The following FGD3 variants were observed in gnomAD, a reference collection of about 807,000 sequenced individuals.
The protein encoded by FGD3 is FYVE, RhoGEF and PH domain-containing protein 3.
A neutral mutation model predicts 71.8 loss-of-function variants in FGD3; 45 were observed. The ratio of observed to expected loss-of-function variants is 0.63; its 90% CI spans 0.49 to 0.80. The LOEUF (loss-of-function observed/expected upper bound fraction) is 0.80. Ranked by LOEUF, FGD3 falls within the 30% of genes least tolerant of loss-of-function variation. FGD3 has a pLI of 0.00. For missense variants in FGD3, 844 were observed against 951.5 expected (o/e 0.89, Z 1.49); for synonymous variants, 378 against 392.8 (o/e 0.96, Z 0.44).
intron 14 of FGD3, 26 bp from the exon 15 acceptor site, chr9:93,029,848 G>T: frequency 1.2e-6 from 2 of 1,607,258 alleles, no homozygotes; most frequent in South Asian, 2.2e-5. Context: ...TTCAGAAGCT[G>T]ATGGCATCTA....
chr9:93,030,999 C>T (rs1291525322), intron 15 of FGD3, among the ~76,000 whole-genome samples: 2 of 150,850 alleles, frequency 1.3e-5, no homozygotes, highest in Non-Finnish European at 3.0e-5. Flanking sequence ...GGATGGCATA[C>T]GGAAGTATGG....
intron 6 of FGD3, among the ~76,000 whole-genome samples, chr9:93,006,721 T>C (rs1168409861): frequency 6.6e-6 from 1 of 151,996 alleles, no homozygotes; most frequent in Non-Finnish European, 1.5e-5. Context: ...TGATCTTTTA[T>C]TTTTTTATTT....
intron 10 of FGD3, 119 bp from the exon 11 acceptor site, chr9:93,018,017 G>C (rs552548259): frequency 3.1e-5 from 28 of 904,186 alleles, no homozygotes; most frequent in East Asian, 2.9e-4. Flanking sequence ...GCAGAACTGT[G>C]GGGCTGCAGG....
chr9:93,035,782 C>A lies in FGD3; in HGVS notation c.*193C>A. 1.2e-6 allele frequency: 1 copy of A among 819,070 alleles called. No individual in the cohort carries two copies. The highest frequency in any genetic ancestry group is 1.8e-6 in the Non-Finnish European group (1 of 560,166). The allele number at this position is 819,070 out of a possible 1,614,324, so 50.7% of individuals were successfully genotyped here. Reference sequence around the variant, plus strand: ...CAACCACTGGCCAAGGGTCACCCAGCAAGTTTTGGCTAAGAGCCTGGCCTC... The same window carrying A: ...CAACCACTGGCCAAGGGTCACCCAGAAAGTTTTGGCTAAGAGCCTGGCCTC... On this transcript the variant is annotated 3_prime_UTR_variant, in exon 18 of 18. Transcript: ENST00000375482.
chr9:93,020,253 C>T lies in FGD3; in HGVS notation c.1387-64C>T, dbSNP rs146629044. On this transcript the variant is annotated intron_variant, in intron 12 of 17. Coordinates refer to ENST00000375482, the MANE Select transcript of FGD3 (RefSeq NM_001083536.2). ...TCCTCGGGACAGAGGCAGGCGCGTC[C>T]CTCCTGTGGGTAGCATCCTCCCATG... The T allele has an allele frequency of 3.2e-3, 4,673 of 1,473,606 alleles. 16 individuals carry two copies. The highest frequency in any genetic ancestry group is 3.6e-3 in the Non-Finnish European group (3,951 of 1,084,328). 91.3% of individuals were successfully genotyped at this position (1,473,606 alleles called of 1,614,324 possible). A position where few individuals can be genotyped will look rare whatever the true frequency, so the allele number is the denominator to read the frequency against.
chr9:92,976,384 G>C lies in FGD3; in HGVS notation c.128G>C (p.Cys43Ser), dbSNP rs756073570. 10 of 1,610,798 alleles carry C rather than the reference G, an allele frequency of 6.2e-6. No individual in the cohort carries two copies. Among genetic ancestry groups the C allele is most frequent in the Non-Finnish European group, 8.5e-6 (10 of 1,179,024 alleles). ...QALPVGPRAH[C>S]GDPVSLAAAG... ...CTCCCTGTTGGGCCCAGAGCCCACT[G>C]TGGGGACCCTGTCAGCCTGGCTGCA... The change falls in exon 3 of 18, where the codon TGT becomes TCT. Residue 43 changes from cysteine (C) to serine (S), a missense_variant. Transcript: ENST00000375482.
chr9:93,019,268 A>G (rs562925304), intron 11 of FGD3, among the ~76,000 whole-genome samples: 3 of 152,322 alleles, frequency 2.0e-5, no homozygotes, highest in South Asian at 4.1e-4. Flanking sequence ...GAATCATCCC[A>G]TATCTGCACA....
At chr9:93,033,119 T>C (rs1862423338) in intron 16 of FGD3, 5 of 564,022 alleles carry the variant, frequency 8.9e-6, no homozygotes, top group Non-Finnish European at 1.6e-5. Context: ...AGGAGTTAGA[T>C]GGGAACAAGT....
intron 14 of FGD3, among the ~76,000 whole-genome samples, chr9:93,027,500 C>A (rs879881109): frequency 1.3e-5 from 2 of 152,040 alleles, no homozygotes; most frequent in Non-Finnish European, 2.9e-5. Flanking sequence ...TGAATCAGGG[C>A]CCAACCTGAG....
intron 3 of FGD3, among the ~76,000 whole-genome samples, chr9:92,993,350 T>A (rs2118657409): frequency 6.6e-6 from 1 of 152,272 alleles, no homozygotes; most frequent in African/African-American, 2.4e-5. Context: ...TGAAGTATCT[T>A]TTTCCATCCT....
At chr9:92,978,282 C>CA (rs372703604) in intron 3 of FGD3, among the ~76,000 whole-genome samples, 23,265 of 84,834 alleles carry the variant, frequency 0.27, 2,491 homozygotes, top group East Asian at 0.37. Flanking sequence ...AACTCCATCT[C>CA]AAAAAAAAAA....
At chr9:92,965,234 C>A (rs888990429) in intron 1 of FGD3, among the ~76,000 whole-genome samples, 1 of 152,224 alleles carries the variant, frequency 6.6e-6, no homozygotes, top group Non-Finnish European at 1.5e-5. Context: ...GTGCCAGGCT[C>A]ACTGTAGTTC....
At position 92,976,378 on chromosome 9, in the gene FGD3, C is replaced by T. The variant is rs774010167; in HGVS notation, c.122C>T (p.Ala41Val). 3 of 1,610,510 alleles carry T rather than the reference C, an allele frequency of 1.9e-6. No homozygotes were observed. The African/African-American group carries it at 4.0e-5, about 22-fold the overall frequency. ...KLQALPVGPR[A>V]HCGDPVSLAA... ...CAGGCGCTCCCTGTTGGGCCCAGAG[C>T]CCACTGTGGGGACCCTGTCAGCCTG... Residue 41 changes from alanine (A) to valine (V), a missense_variant, in exon 3 of 18, where the codon GCC becomes GTC. By Grantham distance (64) the Ala-to-Val change is moderately conservative. Transcript: ENST00000375482.
In FGD3 at chr9:92,981,845, C is replaced by A. The variant is rs553990180; in HGVS notation, c.453+5136C>A. ...TTTTTTCCAGTTGGCAGCAGTGATT[C>A]TTTTTTTTTAAAGTGACAGATACTA... On this transcript the variant is annotated intron_variant, in intron 3 of 17. Coordinates refer to ENST00000375482, the MANE Select transcript of FGD3 (RefSeq NM_001083536.2). Among the ~76,000 whole-genome samples, 9 of 151,002 alleles carry A rather than the reference C, an allele frequency of 6.0e-5. No individual in the cohort carries two copies. In the South Asian group the frequency reaches 1.7e-3, roughly 28 times the overall value.
intron 3 of FGD3, among the ~76,000 whole-genome samples, chr9:92,990,341 C>A (rs904063588): frequency 1.3e-5 from 2 of 152,128 alleles, no homozygotes; most frequent in Admixed American, 1.3e-4. Context: ...ATCAAAAAAA[C>A]AAAAAAGATT....
At chr9:92,985,061 G>A (rs1227836711) in intron 3 of FGD3, among the ~76,000 whole-genome samples, 1 of 152,204 alleles carries the variant, frequency 6.6e-6, no homozygotes, top group African/African-American at 2.4e-5. Context: ...TTCTGTCCTG[G>A]GGGCCCTTCA....
chr9:93,011,075 C>G, intron 7 of FGD3, 139 bp from the exon 8 acceptor site: 1 of 859,442 alleles, frequency 1.2e-6, no homozygotes, highest in South Asian at 1.4e-5. Context: ...GGCCAGTCCT[C>G]TAGAGTAGCC....
chr9:92,954,575 A>G lies in FGD3; in HGVS notation c.-218+6846A>G, dbSNP rs1357219825. Among the ~76,000 whole-genome samples the G allele has an allele frequency of 7.2e-5, 11 of 152,314 alleles. No homozygotes were observed. In the East Asian group the frequency reaches 1.7e-3, roughly 24 times the overall value. On this transcript the variant is annotated intron_variant, in intron 1 of 17. Transcript: ENST00000375482. ...TCACCTTGCACAGGAAGTGGCAGCC[A>G]TGAGGGTCTCTGCAGGCCAGAGCTG...
intron 5 of FGD3, 130 bp from the exon 6 acceptor site, chr9:93,005,894 G>T: frequency 1.1e-6 from 1 of 951,330 alleles, no homozygotes. Flanking sequence ...CTCAGAGAGG[G>T]TGACCAATTT....
Sources: gnomAD v4.1 joint callset for allele counts (sites outside exome capture counted in the v4.1 genomes callset) on GRCh38, gnomAD v4.1.1 for gene constraint, MANE v1.5 for transcripts, NCBI Gene and HGNC (gene_info 2026-07-23, HGNC 2026-07-21) for gene names.